Variants in FRMD4A observed in about 807,000 individuals in gnomAD.
FRMD4A encodes FERM domain-containing protein 4A.
FRMD4A carries 29 observed loss-of-function variants against 129.1 expected under a neutral mutation model. The observed-to-expected ratio is 0.22, with a 90% CI of 0.17 to 0.31. The LOEUF (loss-of-function observed/expected upper bound fraction) is 0.31. Among genes scored for constraint, FRMD4A ranks in the 10% least tolerant of loss-of-function variants. FRMD4A has a pLI of 1.00. For missense variants in FRMD4A, 1,272 were observed against 1,375.8 expected, an observed-to-expected ratio of 0.92 and a Z score of 1.19; for synonymous variants, 634 against 571.6, an observed-to-expected ratio of 1.11 and a Z score of -1.56.
At chr10:13,687,843 T>G (rs888392333) in intron 15 of FRMD4A, among the ~76,000 whole-genome samples, 1 of 152,190 alleles carries the variant, frequency 6.6e-6, no homozygotes, top group Admixed American at 6.5e-5. Flanking sequence ...TTTCCTCCCA[T>G]CTGAATGCCA....
chr10:14,001,872 T>G (rs940288068), intron 2 of FRMD4A, among the ~76,000 whole-genome samples: 5 of 152,210 alleles, frequency 3.3e-5, no homozygotes, highest in African/African-American at 1.2e-4. Context: ...GTAATAAATA[T>G]CCACTGAAAG....
intron 12 of FRMD4A, among the ~76,000 whole-genome samples, chr10:13,725,644 G>T (rs1390255431): frequency 1.3e-5 from 2 of 152,120 alleles, no homozygotes; most frequent in Non-Finnish European, 2.9e-5. Context: ...GCCCTTGGGA[G>T]CTTGGCTTAC....
chr10:13,993,971 T>G (rs1007410745), intron 2 of FRMD4A, among the ~76,000 whole-genome samples: 1 of 151,294 alleles, frequency 6.6e-6, no homozygotes, highest in Non-Finnish European at 1.5e-5. Flanking sequence ...AAATCAAGCC[T>G]GGGGCAGGGG....
chr10:14,195,287 C>A (rs1236457969), intron 2 of FRMD4A, among the ~76,000 whole-genome samples: 1 of 152,056 alleles, frequency 6.6e-6, no homozygotes. Context: ...GGGCAAGAAC[C>A]AGAAACCGAA....
At chr10:14,278,128 C>T (rs751759479) in intron 2 of FRMD4A, among the ~76,000 whole-genome samples, 1 of 152,166 alleles carries the variant, frequency 6.6e-6, no homozygotes, top group African/African-American at 2.4e-5. Context: ...TGTTGGGAGG[C>T]TTTCTGGGTT....
intron 2 of FRMD4A, among the ~76,000 whole-genome samples, chr10:14,183,649 C>T (rs1841981485): frequency 6.6e-6 from 1 of 152,002 alleles, no homozygotes; most frequent in African/African-American, 2.4e-5. Context: ...AATTGATGGG[C>T]ATCTTTTACT....
chr10:14,146,207 A>T (rs192583413), intron 2 of FRMD4A, among the ~76,000 whole-genome samples: 157 of 152,320 alleles, frequency 1.0e-3, no homozygotes, highest in African/African-American at 3.4e-3. Context: ...GTAAGTTACA[A>T]CAAACATCTG....
intron 2 of FRMD4A, among the ~76,000 whole-genome samples, chr10:13,994,037 C>T (rs12415846): frequency 0.28 from 40,823 of 146,144 alleles, 6,851 homozygotes; most frequent in East Asian, 0.73. Context: ...TGAGATGGAG[C>T]CTTGCTTCGT....
intron 8 of FRMD4A, among the ~76,000 whole-genome samples, chr10:13,759,445 G>C (rs779948010): frequency 6.6e-6 from 1 of 152,170 alleles, no homozygotes; most frequent in South Asian, 2.1e-4. Context: ...GCTATTCCCA[G>C]TTCACATTCC....
At chr10:14,012,628 T>C (rs1369430410) in intron 2 of FRMD4A, among the ~76,000 whole-genome samples, 2 of 152,264 alleles carry the variant, frequency 1.3e-5, no homozygotes, top group Middle Eastern at 3.4e-3. Context: ...AGCAGACTCA[T>C]AGATGAAGCC....
At chr10:13,749,344 A>T (rs1231617556) in intron 8 of FRMD4A, among the ~76,000 whole-genome samples, 2 of 152,194 alleles carry the variant, frequency 1.3e-5, no homozygotes. Context: ...AAACAGGTAT[A>T]ACTGTTTCAT....
At chr10:14,215,287 T>C (rs1843041442) in intron 2 of FRMD4A, among the ~76,000 whole-genome samples, 1 of 152,166 alleles carries the variant, frequency 6.6e-6, no homozygotes, top group Non-Finnish European at 1.5e-5. Flanking sequence ...AAGCCATCAA[T>C]ATGAACCACT....
chr10:14,048,897 GAATAGAA>G (rs1834123003), intron 2 of FRMD4A, among the ~76,000 whole-genome samples: 4 of 104,676 alleles, frequency 3.8e-5, no homozygotes, highest in South Asian at 3.1e-4. Flanking sequence ...GAATAGAATA[GAATAGAA>G]AATAAAATGA....
At chr10:14,142,159 T>G (rs1360442514) in intron 2 of FRMD4A, among the ~76,000 whole-genome samples, 1 of 152,058 alleles carries the variant, frequency 6.6e-6, no homozygotes, top group Non-Finnish European at 1.5e-5. Context: ...AAGTTTTTTT[T>G]TTGTTGTTTT....
chr10:14,025,437 G>A (rs1012969721), intron 2 of FRMD4A, among the ~76,000 whole-genome samples: 4 of 152,024 alleles, frequency 2.6e-5, no homozygotes, highest in African/African-American at 4.8e-5. Flanking sequence ...ACATTGTACT[G>A]GAATAAACAA....
intron 15 of FRMD4A, among the ~76,000 whole-genome samples, chr10:13,691,372 T>C (rs1449058672): frequency 1.3e-5 from 2 of 152,144 alleles, no homozygotes; most frequent in Non-Finnish European, 2.9e-5. Context: ...ATAGCTGCTA[T>C]TAAGGTAAAT....
At chr10:13,958,385 G>C (rs959881953) in intron 2 of FRMD4A, among the ~76,000 whole-genome samples, 5 of 144,184 alleles carry the variant, frequency 3.5e-5, no homozygotes, top group African/African-American at 1.3e-4. Context: ...CCGGGTTCAC[G>C]CCATTCTCCT....
intron 2 of FRMD4A, among the ~76,000 whole-genome samples, chr10:14,119,178 G>GACAC (rs1164845417): frequency 1.3e-5 from 2 of 152,156 alleles, no homozygotes; most frequent in East Asian, 3.9e-4. Context: ...ACACAGCAGA[G>GACAC]GGTGACTCAT....
chr10:14,258,311 G>A (rs1844685412), intron 2 of FRMD4A, among the ~76,000 whole-genome samples: 1 of 139,150 alleles, frequency 7.2e-6, no homozygotes, highest in African/African-American at 3.0e-5. Flanking sequence ...ATTTGATAAA[G>A]GGGTTTTAAC....
Sources: gnomAD v4.1 joint callset for allele counts (sites outside exome capture counted in the v4.1 genomes callset) on GRCh38, gnomAD v4.1.1 for gene constraint, MANE v1.5 for transcripts, NCBI Gene and HGNC (gene_info 2026-07-23, HGNC 2026-07-21) for gene names.